ERN1: variants seen among roughly 807,000 people sequenced by gnomAD.
ERN1 encodes the protein serine/threonine-protein kinase/endoribonuclease IRE1.
ERN1 carries 39 observed loss-of-function variants against 113.1 expected under a neutral mutation model. The observed-to-expected ratio is 0.34, with a 90% CI of 0.27 to 0.45. The LOEUF is 0.45. ERN1 is among the 20% of genes least tolerant of loss of function. ERN1 has a pLI of 1.00. For synonymous variants in ERN1, 507 were observed against 515.9 expected (o/e 0.98, Z 0.23); for missense variants, 976 against 1,274.8 (o/e 0.77, Z 3.57).
chr17:64,073,942 C>A (rs1299955018), intron 5 of ERN1, among the ~76,000 whole-genome samples: 1 of 152,232 alleles, frequency 6.6e-6, no homozygotes, highest in East Asian at 1.9e-4. Context: ...CTGCACCTGG[C>A]CTGTAATTTG....
chr17:64,125,817 G>C (rs547495533), intron 1 of ERN1, among the ~76,000 whole-genome samples: 3 of 152,270 alleles, frequency 2.0e-5, no homozygotes, highest in Admixed American at 2.0e-4. Flanking sequence ...TTACATGGAT[G>C]ATGGTTTACT....
At chr17:64,079,803 C>T (rs570966778) in intron 3 of ERN1, 69 bp from the exon 4 acceptor site, 124 of 1,253,390 alleles carry the variant, frequency 9.9e-5, no homozygotes, top group African/African-American at 3.3e-4. Flanking sequence ...ACCAAAGCCA[C>T]GCAAACCCAT....
chr17:64,056,738 C>T (rs780520821), intron 12 of ERN1, among the ~76,000 whole-genome samples: 6 of 152,168 alleles, frequency 3.9e-5, no homozygotes, highest in African/African-American at 1.4e-4. Context: ...CTAGAAATGC[C>T]GTCTACTAGC....
chr17:64,077,233 G>A (rs1913620652), intron 4 of ERN1, among the ~76,000 whole-genome samples: 1 of 152,146 alleles, frequency 6.6e-6, no homozygotes, highest in South Asian at 2.1e-4. Context: ...TCCACTTACA[G>A]CCTAGATCAG....
chr17:64,051,508 AC>A (rs1167634288), intron 17 of ERN1, among the ~76,000 whole-genome samples: 3 of 152,206 alleles, frequency 2.0e-5, no homozygotes, highest in African/African-American at 7.2e-5. Context: ...TTTAACTTGA[AC>A]CTAATCAAGC....
chr17:64,084,141 G>C (rs28429897), intron 2 of ERN1, among the ~76,000 whole-genome samples: 3,132 of 152,036 alleles, frequency 0.021, 111 homozygotes, highest in African/African-American at 0.071. Context: ...CAACGCCTCA[G>C]CCTCTGCTTG....
At chr17:64,102,900 TAA>T (rs34921829) in intron 1 of ERN1, 23 of 758,728 alleles carry the variant, frequency 3.0e-5, no homozygotes, top group African/African-American at 5.8e-5. Flanking sequence ...GTTGGGAGGT[TAA>T]AAAAAAAAAG....
At chr17:64,084,717 T>C (rs558143719) in intron 2 of ERN1, among the ~76,000 whole-genome samples, 1 of 152,280 alleles carries the variant, frequency 6.6e-6, no homozygotes, top group Admixed American at 6.5e-5. Flanking sequence ...AAGGCCAGTG[T>C]TTACACAGTG....
chr17:64,091,134 C>T (rs1005981811), intron 2 of ERN1, among the ~76,000 whole-genome samples: 3 of 152,202 alleles, frequency 2.0e-5, no homozygotes, highest in African/African-American at 7.2e-5. Context: ...ATTAACAAAA[C>T]ATCATCACTT....
intron 1 of ERN1, among the ~76,000 whole-genome samples, chr17:64,116,928 C>T (rs1365706619): frequency 6.9e-6 from 1 of 145,404 alleles, no homozygotes; most frequent in Non-Finnish European, 1.5e-5. Context: ...CACGGTGAAA[C>T]CCTGTCTTTA....
chr17:64,097,996 C>T, intron 2 of ERN1, 125 bp downstream of exon 2: 1 of 1,269,788 alleles, frequency 7.9e-7, no homozygotes, highest in Middle Eastern at 2.8e-4. Context: ...CTCTTGATCC[C>T]ATTCTTCTTT....
At chr17:64,096,465 A>G (rs1346790435) in intron 2 of ERN1, among the ~76,000 whole-genome samples, 1 of 152,202 alleles carries the variant, frequency 6.6e-6, no homozygotes. Context: ...TGAGTTGTAT[A>G]ATTATTTCAT....
chr17:64,124,363 T>G (rs981617748), intron 1 of ERN1, among the ~76,000 whole-genome samples: 4 of 152,334 alleles, frequency 2.6e-5, no homozygotes, highest in African/African-American at 9.6e-5. Context: ...TGTCCCTCAA[T>G]GGATGGATGA....
chr17:64,092,574 T>C (rs539528823), intron 2 of ERN1, among the ~76,000 whole-genome samples: 52 of 152,244 alleles, frequency 3.4e-4, no homozygotes, highest in Non-Finnish European at 5.9e-4. Context: ...AGAGTAGTCA[T>C]ATTGCATATT....
chr17:64,062,983 C>T (rs1913100030), intron 10 of ERN1, among the ~76,000 whole-genome samples: 1 of 152,214 alleles, frequency 6.6e-6, no homozygotes, highest in Admixed American at 6.5e-5. Context: ...CACACATCCC[C>T]ACCTACACCG....
chr17:64,077,874 T>C (rs1457257397), intron 4 of ERN1, among the ~76,000 whole-genome samples: 1 of 152,108 alleles, frequency 6.6e-6, no homozygotes, highest in Non-Finnish European at 1.5e-5. Context: ...GCCTCCCAAG[T>C]AGCTGGGACT....
chr17:64,059,650 G>A (rs1912989508), intron 11 of ERN1, among the ~76,000 whole-genome samples: 1 of 152,276 alleles, frequency 6.6e-6, no homozygotes, highest in Non-Finnish European at 1.5e-5. Flanking sequence ...AGAGAGGTAA[G>A]AGAAAGAGGT....
chr17:64,053,154 G>T, intron 16 of ERN1, 118 bp downstream of exon 16: 1 of 930,832 alleles, frequency 1.1e-6, no homozygotes, highest in Non-Finnish European at 1.6e-6. Flanking sequence ...CTTTGCTACT[G>T]GTGATATAGC....
intron 17 of ERN1, 98 bp downstream of exon 17, chr17:64,052,682 C>G (rs966924841): frequency 1.9e-6 from 2 of 1,075,536 alleles, no homozygotes; most frequent in Non-Finnish European, 2.6e-6. Flanking sequence ...TCCAGCTACA[C>G]GGGCACCAGC....
Sources: gnomAD v4.1 joint callset for allele counts (sites outside exome capture counted in the v4.1 genomes callset) on GRCh38, gnomAD v4.1.1 for gene constraint, MANE v1.5 for transcripts, NCBI Gene and HGNC (gene_info 2026-07-23, HGNC 2026-07-21) for gene names.